The following NECAB1 variants were observed in gnomAD, a reference collection of about 807,000 sequenced individuals.
NECAB1 encodes the protein N-terminal EF-hand calcium-binding protein 1.
Under a neutral mutation model 57.5 loss-of-function variants are expected in NECAB1, and 29 were observed. The ratio of observed to expected loss-of-function variants is 0.50; its 90% confidence interval spans 0.38 to 0.69. NECAB1 has a LOEUF of 0.69. Among genes scored for constraint, NECAB1 ranks in the 30% least tolerant of loss-of-function variants. The probability of loss-of-function intolerance (pLI) is 0.00; values close to 1 mark genes in which losing one functional copy is unlikely to be tolerated. For synonymous variants in NECAB1, 142 were observed against 147.7 expected, an observed-to-expected ratio of 0.96 and a Z score of 0.28; for missense variants, 372 against 413.8, an observed-to-expected ratio of 0.90 and a Z score of 0.88.
chr8:90,817,466 G>GT (rs61477217), intron 2 of NECAB1, among the ~76,000 whole-genome samples: 21,647 of 150,886 alleles, frequency 0.14, 2,759 homozygotes, highest in African/African-American at 0.35. Context: ...TTTTTTTGTA[G>GT]TTTTTTTTAT....
chr8:90,897,172 C>T (rs1239310500), intron 5 of NECAB1, among the ~76,000 whole-genome samples: 5 of 152,190 alleles, frequency 3.3e-5, no homozygotes, highest in South Asian at 2.1e-4. Flanking sequence ...TCTTCCTCTT[C>T]GGTTCCCACA....
intron 3 of NECAB1, among the ~76,000 whole-genome samples, chr8:90,827,196 C>T (rs945342349): frequency 6.6e-6 from 1 of 151,996 alleles, no homozygotes; most frequent in African/African-American, 2.4e-5. Context: ...TCTCCTTCCA[C>T]TCACCTTCTA....
rs532067349 is a variant in NECAB1 at position 90,904,929 on chromosome 8, ATCCCAG to A, written c.358-12561_358-12556del. Among the ~76,000 whole-genome samples, 268 of 152,284 alleles carry A rather than the reference ATCCCAG, an allele frequency of 1.8e-3. 2 individuals carry two copies. Among genetic ancestry groups the A allele is most frequent in the African/African-American group, 6.1e-3 (255 of 41,568 alleles). ...ATTCTGAATCCATACACAAAAATCA[ATCCCAG>A]TTTAAGACTTACATGTGTAAAAATT... On this transcript the variant is annotated intron_variant, in intron 5 of 12. Coordinates refer to ENST00000417640, the MANE Select transcript of NECAB1 (RefSeq NM_022351.5).
intron 6 of NECAB1, 27 bp from the exon 7 acceptor site, chr8:90,925,508 G>A: frequency 6.2e-7 from 1 of 1,607,522 alleles, no homozygotes; most frequent in African/African-American, 1.3e-5. Flanking sequence ...CTAACATTAA[G>A]GTTAAATGTT....
intron 3 of NECAB1, among the ~76,000 whole-genome samples, chr8:90,867,604 G>T (rs1474634197): frequency 6.6e-6 from 1 of 151,872 alleles, no homozygotes; most frequent in Non-Finnish European, 1.5e-5. Context: ...CCCTTATTAG[G>T]TATTGCTTTT....
intron 3 of NECAB1, among the ~76,000 whole-genome samples, chr8:90,859,728 G>A (rs906448613): frequency 1.3e-5 from 2 of 152,160 alleles, no homozygotes; most frequent in East Asian, 1.9e-4. Context: ...GTAAACATTA[G>A]TTGTGTGGGA....
intron 5 of NECAB1, among the ~76,000 whole-genome samples, chr8:90,895,022 T>C (rs184188023): frequency 2.6e-4 from 39 of 152,344 alleles, no homozygotes; most frequent in African/African-American, 8.9e-4. Context: ...GTCTGGTGAA[T>C]GCATAGAGAT....
intron 3 of NECAB1, among the ~76,000 whole-genome samples, chr8:90,827,344 G>C (rs1206620799): frequency 6.6e-6 from 1 of 151,958 alleles, no homozygotes; most frequent in Admixed American, 6.6e-5. Context: ...GTCTCACACT[G>C]TTTGTGGTAG....
intron 3 of NECAB1, among the ~76,000 whole-genome samples, chr8:90,868,765 CA>C (rs1240301316): frequency 2.6e-5 from 4 of 152,176 alleles, no homozygotes; most frequent in Non-Finnish European, 4.4e-5. Context: ...ATTCTCAGCC[CA>C]TCCATGTGGT....
intron 3 of NECAB1, among the ~76,000 whole-genome samples, chr8:90,837,302 A>C (rs557761067): frequency 6.6e-6 from 1 of 152,332 alleles, no homozygotes; most frequent in South Asian, 2.1e-4. Flanking sequence ...TTAAAACTCC[A>C]GATAGAACAG....
chr8:90,872,345 T>C (rs1808636919), intron 4 of NECAB1, 192 bp downstream of exon 4: 2 of 487,648 alleles, frequency 4.1e-6, no homozygotes. Context: ...CCAGAAAGAG[T>C]TGGGCCTCAT....
chr8:90,845,465 C>A (rs892555422), intron 3 of NECAB1, among the ~76,000 whole-genome samples: 1 of 152,122 alleles, frequency 6.6e-6, no homozygotes, highest in Non-Finnish European at 1.5e-5. Context: ...ATTAGAACTA[C>A]CCAGTATGCT....
At chr8:90,917,883 C>CGT (rs1563533255) in intron 6 of NECAB1, among the ~76,000 whole-genome samples, 1 of 39,488 alleles carries the variant, frequency 2.5e-5, no homozygotes, top group African/African-American at 1.6e-4. Flanking sequence ...TGTGTGTGTG[C>CGT]GTGTATATAT....
At chr8:90,867,532 T>C (rs1808540813) in intron 3 of NECAB1, among the ~76,000 whole-genome samples, 1 of 151,406 alleles carries the variant, frequency 6.6e-6, no homozygotes, top group Non-Finnish European at 1.5e-5. Flanking sequence ...CAGAATCCTT[T>C]ACATCTATCT....
chr8:90,874,690 T>C (rs1477127895), intron 4 of NECAB1, among the ~76,000 whole-genome samples: 1 of 152,232 alleles, frequency 6.6e-6, no homozygotes, highest in East Asian at 1.9e-4. Flanking sequence ...TGAACCTTAA[T>C]TTTTTTCAAT....
intron 5 of NECAB1, among the ~76,000 whole-genome samples, chr8:90,896,973 G>C (rs1255602961): frequency 6.6e-6 from 1 of 152,130 alleles, no homozygotes; most frequent in Non-Finnish European, 1.5e-5. Context: ...CAGGGGTGAC[G>C]TGCGTCAGGG....
intron 6 of NECAB1, among the ~76,000 whole-genome samples, chr8:90,919,902 G>A (rs1810062159): frequency 6.6e-6 from 1 of 152,086 alleles, no homozygotes; most frequent in Non-Finnish European, 1.5e-5. Flanking sequence ...GTCATCCCCT[G>A]AAAACCTGTG....
chr8:90,940,494 T>C lies in NECAB1; in HGVS notation c.748-292T>C, dbSNP rs184902628. 243 of 290,144 alleles carry C rather than the reference T, an allele frequency of 8.4e-4. 1 individual carries two copies. Among genetic ancestry groups the C allele is most frequent in the African/African-American group, 4.9e-3 (234 of 47,464 alleles). The allele number at this position is 290,144 out of a possible 1,614,324, so 18.0% of individuals were successfully genotyped here. A position where few individuals can be genotyped will look rare whatever the true frequency, so the allele number is the denominator to read the frequency against. ...GGCCCCACTCCCAGAGATTTTGATA[T>C]AAAGATAATTTTAAAACTTCTCGAG... On this transcript the variant is annotated intron_variant, in intron 9 of 12. Coordinates refer to ENST00000417640, the MANE Select transcript of NECAB1 (RefSeq NM_022351.5).
chr8:90,871,747 C>A (rs769484751), intron 3 of NECAB1, among the ~76,000 whole-genome samples: 4 of 152,100 alleles, frequency 2.6e-5, no homozygotes, highest in Non-Finnish European at 5.9e-5. Flanking sequence ...TTATTACTAT[C>A]CTCATCTTGG....
Sources: allele counts gnomAD v4.1 joint callset (sites outside exome capture counted in the v4.1 genomes callset), GRCh38; gene constraint gnomAD v4.1.1; transcripts MANE v1.5; gene names NCBI Gene and HGNC (gene_info 2026-07-23, HGNC 2026-07-21).